The following FMN2 variants were observed in gnomAD, a reference collection of about 807,000 sequenced individuals.
FMN2 encodes the protein formin 2, also known as formin-2.
A neutral mutation model predicts 142.3 loss-of-function variants in FMN2; 51 were observed. The observed-to-expected ratio is 0.36, with a 90% CI of 0.29 to 0.45. FMN2 has a LOEUF of 0.45. Among genes scored for constraint, FMN2 ranks in the 20% least tolerant of loss-of-function variants. FMN2 has a pLI of 1.00. For missense variants in FMN2, 1,936 were observed against 2,122.8 expected (o/e 0.91, Z 1.73); for synonymous variants, 882 against 869.8 (o/e 1.01, Z -0.25).
chr1:240,217,149 A>G (rs1015040934), intron 6 of FMN2, among the ~76,000 whole-genome samples: 1 of 152,164 alleles, frequency 6.6e-6, no homozygotes, highest in Admixed American at 6.5e-5. Context: ...ATTGCCTGCC[A>G]CTGTATTATT....
Position 240,261,662 on chromosome 1 carries a change from T to A in FMN2, c.4153+3630T>A, listed in dbSNP as rs569827153. Reference sequence around the variant, plus strand: ...ACAGGTTATTTCCCACAATAATAGATGTGGAGCATTCTCAGCAACACATAC... The same window carrying A: ...ACAGGTTATTTCCCACAATAATAGAAGTGGAGCATTCTCAGCAACACATAC... On this transcript the variant is annotated intron_variant, in intron 7 of 17. Coordinates refer to ENST00000319653, the MANE Select transcript of FMN2 (RefSeq NM_020066.5). Among the ~76,000 whole-genome samples, 4 of 152,294 alleles carry A rather than the reference T, an allele frequency of 2.6e-5. No individual in the cohort carries two copies. In the South Asian group the frequency reaches 8.3e-4, roughly 32 times the overall value.
rs1167688315 is a variant in FMN2 at position 240,091,891 on chromosome 1, AG to A, written c.-218del. ...CCCGCCGGCCCCTAGCCGCAGCCGC[AG>A]CCGCAGCGACGGCAGCCACGGGAGC... On this transcript the variant is annotated 5_prime_UTR_variant, in exon 1 of 18. Transcript: ENST00000319653. 1 of 702,766 alleles carries A rather than the reference AG, an allele frequency of 1.4e-6. No individual in the cohort carries two copies. Among genetic ancestry groups the A allele is most frequent in the Non-Finnish European group, 2.1e-6 (1 of 480,888 alleles). The allele number at this position is 702,766 out of a possible 1,614,324, so 43.5% of individuals were successfully genotyped here. A position where few individuals can be genotyped will look rare whatever the true frequency, so the allele number is the denominator to read the frequency against.
rs577102250 is a variant in FMN2, at chr1:240,144,729, G to A, written c.1782+21384G>A. 8.3e-6 allele frequency: 11 copies of A among 1,320,220 alleles called. No homozygotes were observed. The African/African-American group carries it at 1.6e-4, about 19-fold the overall frequency. The allele number at this position is 1,320,220 out of a possible 1,614,324, so 81.8% of individuals were successfully genotyped here. On this transcript the variant is annotated intron_variant, in intron 2 of 17. Transcript: ENST00000319653. ...GCATTCTCATCAATGTCCTTCTCCA[G>A]CATGTCCACCTGCTCAATTTCCATA...
In FMN2 at chr1:240,310,346, A is replaced by T. The variant is rs138001689; in HGVS notation, c.4215+15463A>T. Among the ~76,000 whole-genome samples the T allele has an allele frequency of 1.1e-3, 166 of 152,316 alleles. 1 individual carries two copies. The highest frequency in any genetic ancestry group is 3.5e-3 in the African/African-American group (145 of 41,584). ...TGATCTCTGTGAAACAGATGGAAGT[A>T]TTTGTTATACAAACCTTATTTAGAA... On this transcript the variant is annotated intron_variant, in intron 8 of 17. Coordinates refer to ENST00000319653, the MANE Select transcript of FMN2 (RefSeq NM_020066.5).
At chr1:240,137,741 G>C (rs1312457312) in intron 2 of FMN2, among the ~76,000 whole-genome samples, 1 of 152,056 alleles carries the variant, frequency 6.6e-6, no homozygotes, top group Non-Finnish European at 1.5e-5. Flanking sequence ...AGTGGTCGAG[G>C]ATGCCCGGAG....
In FMN2 at chr1:240,216,245, A is replaced by T. The variant is rs116133983; in HGVS notation, c.4065+5010A>T. Among the ~76,000 whole-genome samples, 1,151 of 152,356 alleles carry T rather than the reference A, an allele frequency of 7.6e-3. 20 individuals carry two copies. Among genetic ancestry groups the T allele is most frequent in the African/African-American group, 0.026 (1,102 of 41,588 alleles). On this transcript the variant is annotated intron_variant, in intron 6 of 17. Coordinates refer to ENST00000319653, the MANE Select transcript of FMN2 (RefSeq NM_020066.5). ...ACATTTCATTTATCCCATGGTAAAAAAAAGAATCATCTTTGTAAAATAAGC... is the reference window on the plus strand; with the variant it reads ...ACATTTCATTTATCCCATGGTAAAATAAAGAATCATCTTTGTAAAATAAGC...
intron 14 of FMN2, among the ~76,000 whole-genome samples, chr1:240,370,917 T>C (rs1672844755): frequency 6.6e-6 from 1 of 152,164 alleles, no homozygotes; most frequent in South Asian, 2.1e-4. Context: ...TATTTTAAAC[T>C]ATGTAAAATA....
intron 6 of FMN2, among the ~76,000 whole-genome samples, chr1:240,212,824 G>A (rs1666744437): frequency 6.6e-6 from 1 of 152,174 alleles, no homozygotes; most frequent in South Asian, 2.1e-4. Context: ...CAGGCAGCCG[G>A]AACTGTCACA....
At chr1:240,298,975 G>A (rs1406614717) in intron 8 of FMN2, among the ~76,000 whole-genome samples, 1 of 151,142 alleles carries the variant, frequency 6.6e-6, no homozygotes, top group African/African-American at 2.4e-5. Context: ...TTTTGAGGTG[G>A]AGTCTCACTC....
chr1:240,218,266 A>AGCG (rs759547514), intron 6 of FMN2, among the ~76,000 whole-genome samples: 22 of 130,126 alleles, frequency 1.7e-4, no homozygotes, highest in Admixed American at 3.8e-4. Flanking sequence ...CTGGCGACAG[A>AGCG]GCGAGACTCT....
intron 8 of FMN2, among the ~76,000 whole-genome samples, chr1:240,317,790 A>G (rs1346692797): frequency 6.6e-6 from 1 of 152,148 alleles, no homozygotes; most frequent in African/African-American, 2.4e-5. Context: ...TTGTGTTACA[A>G]GTTGTGTATA....
chr1:240,282,974 G>C (rs1477913953), intron 7 of FMN2, among the ~76,000 whole-genome samples: 1 of 152,146 alleles, frequency 6.6e-6, no homozygotes, highest in Non-Finnish European at 1.5e-5. Flanking sequence ...GGAGATTGAT[G>C]CATCAGCATT....
At chr1:240,151,810 A>C (rs1273304867) in intron 2 of FMN2, among the ~76,000 whole-genome samples, 3 of 152,066 alleles carry the variant, frequency 2.0e-5, no homozygotes, top group African/African-American at 7.2e-5. Flanking sequence ...TCTGTTGTCC[A>C]GACTGGAGTG....
chr1:240,177,270 G>C (rs1413127892), intron 2 of FMN2, among the ~76,000 whole-genome samples: 3 of 152,122 alleles, frequency 2.0e-5, no homozygotes, highest in Non-Finnish European at 1.5e-5. Flanking sequence ...CCTGGCCCTA[G>C]GTATAGTACT....
chr1:240,210,959 T>A (rs899319782), intron 5 of FMN2, 132 bp from the exon 6 acceptor site: 1 of 726,162 alleles, frequency 1.4e-6, no homozygotes, highest in Non-Finnish European at 2.2e-6. Context: ...ATTTTTTCCT[T>A]CTTATCTCTC....
rs1426355851 is a variant in FMN2 at position 240,177,999 on chromosome 1, C to T, written c.1861C>T (p.Arg621Ter). Residue 621 changes from arginine to a stop codon, truncating the protein, a stop_gained, in exon 3 of 18, where the codon CGA becomes TGA. Coordinates refer to ENST00000319653, the MANE Select transcript of FMN2 (RefSeq NM_020066.5). LOFTEE classifies it high-confidence loss of function. ...LDYSEGQFPRRVPSMGPPSKP... is the reference protein window; with the variant it reads ...LDYSEGQFPR The stretch of plus-strand genomic sequence containing the variant: ...CTATTCAGAAGGGCAGTTTCCTAGG[C>T]GAGTTCCATCCATGGGGCCACCATC... 3 of 1,612,724 alleles carry T rather than the reference C, an allele frequency of 1.9e-6. No homozygotes were observed. Among genetic ancestry groups the T allele is most frequent in the Non-Finnish European group, 1.7e-6 (2 of 1,179,518 alleles).
At chr1:240,353,853 C>T (rs993715975) in intron 13 of FMN2, among the ~76,000 whole-genome samples, 2 of 152,106 alleles carry the variant, frequency 1.3e-5, no homozygotes, top group African/African-American at 4.8e-5. Context: ...AAGAAGGACG[C>T]CTCATCCTGC....
intron 14 of FMN2, among the ~76,000 whole-genome samples, chr1:240,369,179 G>A (rs1672782514): frequency 6.6e-6 from 1 of 151,934 alleles, no homozygotes; most frequent in African/African-American, 2.4e-5. Context: ...TTTGTTTCTA[G>A]GCATGCAAGT....
In FMN2 at chr1:240,209,050, T is replaced by C. The variant is rs552470857; in HGVS notation, c.3920+318T>C. Reference sequence around the variant, plus strand: ...TTAAAATACATGCTCTGTTATCTAGTTGTAAGACTGCTACTTATTTATGCC... The same window carrying C: ...TTAAAATACATGCTCTGTTATCTAGCTGTAAGACTGCTACTTATTTATGCC... On this transcript the variant is annotated intron_variant, in intron 5 of 17. Transcript: ENST00000319653. Among the ~76,000 whole-genome samples the C allele has an allele frequency of 2.7e-3, 413 of 152,298 alleles. 3 individuals carry two copies. The South Asian group carries it at 0.027, about 10-fold the overall frequency.
Sources: allele counts gnomAD v4.1 joint callset (sites outside exome capture counted in the v4.1 genomes callset), GRCh38; gene constraint gnomAD v4.1.1; transcripts MANE v1.5; gene names NCBI Gene and HGNC (gene_info 2026-07-23, HGNC 2026-07-21).